The following SCAI variants were observed in gnomAD, a reference collection of about 807,000 sequenced individuals.
SCAI encodes the protein protein SCAI.
In SCAI, 24 loss-of-function variants were observed where a neutral mutation model predicts 92.2. The ratio of observed to expected loss-of-function variants is 0.26; its 90% CI spans 0.19 to 0.37. The LOEUF (loss-of-function observed/expected upper bound fraction) is 0.37, where lower values mean the gene tolerates loss of function less well. Ranked by LOEUF, SCAI falls within the 10% of genes least tolerant of loss-of-function variation. SCAI has a pLI of 1.00. For missense variants in SCAI, 450 were observed against 736.2 expected, an observed-to-expected ratio of 0.61 and a Z score of 4.50; for synonymous variants, 261 against 258.6, an observed-to-expected ratio of 1.01 and a Z score of -0.09.
At chr9:125,045,805 T>C (rs1482907787) in intron 3 of SCAI, among the ~76,000 whole-genome samples, 1 of 138,156 alleles carries the variant, frequency 7.2e-6, no homozygotes, top group South Asian at 2.3e-4. Flanking sequence ...ACCAAAATAA[T>C]AGACACTAAT....
At chr9:124,999,393 A>G (rs1483840973) in intron 13 of SCAI, among the ~76,000 whole-genome samples, 1 of 152,056 alleles carries the variant, frequency 6.6e-6, no homozygotes, top group Non-Finnish European at 1.5e-5. Context: ...TCTCAAAAAA[A>G]AAAAAAAATG....
chr9:124,976,307 G>C, intron 14 of SCAI, 121 bp from the exon 15 acceptor site: 1 of 671,052 alleles, frequency 1.5e-6, no homozygotes, highest in Non-Finnish European at 2.7e-6. Context: ...AATAGATGCA[G>C]AAACATCAGC....
intron 11 of SCAI, among the ~76,000 whole-genome samples, 182 bp downstream of exon 11, chr9:125,002,932 C>CAA (rs372533970): frequency 3.5e-5 from 4 of 112,740 alleles, no homozygotes; most frequent in African/African-American, 9.4e-5. Context: ...ACCAGGAGTA[C>CAA]AAAAAAAAAA....
intron 17 of SCAI, among the ~76,000 whole-genome samples, chr9:124,958,559 C>A (rs1446060171): frequency 3.3e-5 from 5 of 152,064 alleles, no homozygotes; most frequent in African/African-American, 4.8e-5. Context: ...AAAATTAACT[C>A]AAAATAAACC....
chr9:125,045,143 G>A (rs548503480), intron 3 of SCAI, among the ~76,000 whole-genome samples: 1 of 152,260 alleles, frequency 6.6e-6, no homozygotes, highest in African/African-American at 2.4e-5. Context: ...TCGGGCAAAG[G>A]TGCCACTAGC....
chr9:125,062,038 A>C (rs1035625329), intron 2 of SCAI, among the ~76,000 whole-genome samples: 5 of 152,274 alleles, frequency 3.3e-5, no homozygotes, highest in African/African-American at 1.2e-4. Context: ...AATGGAGTTA[A>C]AGTTTGCTGA....
intron 2 of SCAI, among the ~76,000 whole-genome samples, chr9:125,102,234 AAAT>A (rs1214855613): frequency 6.6e-6 from 1 of 152,232 alleles, no homozygotes; most frequent in Non-Finnish European, 1.5e-5. Context: ...TTCCATAGGA[AAAT>A]AATGATATTC....
At chr9:125,085,389 A>G (rs1834306212) in intron 2 of SCAI, among the ~76,000 whole-genome samples, 1 of 152,178 alleles carries the variant, frequency 6.6e-6, no homozygotes, top group Admixed American at 6.5e-5. Context: ...CAGGAAGCTG[A>G]GGCAGGAGAA....
chr9:124,948,765 A>G lies in SCAI; in HGVS notation c.*4042T>C, dbSNP rs1831191199. On this transcript the variant is annotated 3_prime_UTR_variant, in exon 18 of 18. Transcript: ENST00000336505. ...TGTTGTTTACAGTGATAGTTAAGAGAGATGAGAGACTATCAGAATCTCCAG... is the reference window on the plus strand; with the variant it reads ...TGTTGTTTACAGTGATAGTTAAGAGGGATGAGAGACTATCAGAATCTCCAG... 1 of 152,168 alleles carries G rather than the reference A, an allele frequency of 6.6e-6. No individual in the cohort carries two copies. The highest frequency in any genetic ancestry group is 2.1e-4 in the South Asian group (1 of 4,828). 9.4% of individuals were successfully genotyped at this position (152,168 alleles called of 1,614,324 possible).
chr9:125,106,029 G>A (rs1416872923), intron 2 of SCAI, among the ~76,000 whole-genome samples: 17 of 139,588 alleles, frequency 1.2e-4, no homozygotes, highest in Non-Finnish European at 1.8e-4. Flanking sequence ...CCCAGCAAGC[G>A]GAGGTTGCAG....
intron 2 of SCAI, among the ~76,000 whole-genome samples, chr9:125,063,400 A>AT (rs1833814468): frequency 6.6e-6 from 1 of 151,718 alleles, no homozygotes; most frequent in East Asian, 1.9e-4. Context: ...AAAAAAAAAA[A>AT]GAATGAATAT....
chr9:125,061,923 A>G, intron 2 of SCAI, among the ~76,000 whole-genome samples: 1 of 152,150 alleles, frequency 6.6e-6, no homozygotes, highest in East Asian at 1.9e-4. Flanking sequence ...GGTAAAGGAG[A>G]TGCATGGGTA....
rs1831084101 is a variant in SCAI at position 124,943,070 on chromosome 9, AACAG to A, written c.*9733_*9736del. The A allele has an allele frequency of 6.6e-6, 1 of 152,234 alleles. No individual in the cohort carries two copies. Among genetic ancestry groups the A allele is most frequent in the Admixed American group, 6.5e-5 (1 of 15,286 alleles). The allele number at this position is 152,234 out of a possible 1,614,324, so 9.4% of individuals were successfully genotyped here. Reference sequence around the variant, plus strand: ...CTAAAATCTATGGAGTATTAACCATAACAGACAAAGAAGAAAAAGGCTGCTGGAA... The same window carrying A: ...CTAAAATCTATGGAGTATTAACCATAACAAAGAAGAAAAAGGCTGCTGGAA... On this transcript the variant is annotated 3_prime_UTR_variant, in exon 18 of 18. Transcript: ENST00000336505.
intron 3 of SCAI, among the ~76,000 whole-genome samples, chr9:125,042,120 T>C (rs894847160): frequency 6.6e-6 from 1 of 152,206 alleles, no homozygotes; most frequent in Admixed American, 6.5e-5. Flanking sequence ...AATTACCCCA[T>C]AATTTAAGTG....
intron 9 of SCAI, among the ~76,000 whole-genome samples, chr9:125,006,586 G>T (rs1832513865): frequency 6.6e-6 from 1 of 152,070 alleles, no homozygotes; most frequent in Admixed American, 6.6e-5. Context: ...CTGCCTCCCG[G>T]GTTCAAGTGA....
intron 3 of SCAI, among the ~76,000 whole-genome samples, chr9:125,049,867 G>T (rs1833522687): frequency 6.6e-6 from 1 of 152,128 alleles, no homozygotes; most frequent in African/African-American, 2.4e-5. Flanking sequence ...AAGTAACAGG[G>T]AACACAACAG....
At chr9:125,131,935 G>A (rs60042780) in intron 2 of SCAI, among the ~76,000 whole-genome samples, 26,464 of 152,056 alleles carry the variant, frequency 0.17, 2,588 homozygotes, top group African/African-American at 0.26. Context: ...CTACCTGTCT[G>A]ACGGCTACCT....
At chr9:125,001,086 A>G (rs1363076889) in intron 12 of SCAI, among the ~76,000 whole-genome samples, 1 of 152,236 alleles carries the variant, frequency 6.6e-6, no homozygotes, top group East Asian at 1.9e-4. Context: ...ACAAAAAACT[A>G]AAGTAGTTTA....
intron 14 of SCAI, among the ~76,000 whole-genome samples, chr9:124,978,001 T>C (rs1372201334): frequency 6.6e-6 from 1 of 152,230 alleles, no homozygotes; most frequent in Non-Finnish European, 1.5e-5. Context: ...TCTCCTGTTA[T>C]GATTAACTAT....
Sources: allele counts gnomAD v4.1 joint callset (sites outside exome capture counted in the v4.1 genomes callset), GRCh38; gene constraint gnomAD v4.1.1; transcripts MANE v1.5; gene names NCBI Gene and HGNC (gene_info 2026-07-23, HGNC 2026-07-21).